The following DLGAP1 variants were observed in gnomAD, a reference collection of about 807,000 sequenced individuals.
The protein encoded by DLGAP1 is disks large-associated protein 1.
Under a neutral mutation model 90.8 loss-of-function variants are expected in DLGAP1, and 11 were observed. That is an observed-to-expected ratio of 0.12 (90% CI 0.08 to 0.20). The LOEUF is 0.20. Ranked by LOEUF, DLGAP1 falls within the 10% of genes least tolerant of loss-of-function variation. DLGAP1 has a pLI of 1.00. For synonymous variants in DLGAP1, 558 were observed against 540.7 expected (o/e 1.03, Z -0.44); for missense variants, 1,050 against 1,333.8 (o/e 0.79, Z 3.31).
chr18:3,973,122 T>G (rs2073487909), intron 3 of DLGAP1, among the ~76,000 whole-genome samples: 2 of 152,162 alleles, frequency 1.3e-5, no homozygotes, highest in Admixed American at 1.3e-4. Context: ...TGCTTGTTTT[T>G]ATTCAAGTTG....
chr18:4,241,875 A>G (rs1291619646), intron 1 of DLGAP1, among the ~76,000 whole-genome samples: 1 of 152,180 alleles, frequency 6.6e-6, no homozygotes, highest in East Asian at 1.9e-4. Flanking sequence ...TTTTCTAAAC[A>G]TTTTTAAATT....
At chr18:4,340,944 A>G (rs569726555) in intron 1 of DLGAP1, among the ~76,000 whole-genome samples, 28 of 152,186 alleles carry the variant, frequency 1.8e-4, no homozygotes, top group Non-Finnish European at 3.4e-4. Context: ...AAATTATATA[A>G]GGAAAATTCA....
chr18:3,827,940 C>G (rs2067810173), intron 4 of DLGAP1, among the ~76,000 whole-genome samples: 1 of 152,216 alleles, frequency 6.6e-6, no homozygotes, highest in Non-Finnish European at 1.5e-5. Context: ...CATTCCTTCT[C>G]AAGTACCTTC....
At chr18:3,514,732 G>A (rs1028119621) in intron 10 of DLGAP1, among the ~76,000 whole-genome samples, 2 of 152,112 alleles carry the variant, frequency 1.3e-5, no homozygotes, top group Non-Finnish European at 2.9e-5. Context: ...TCACAAAAAA[G>A]TACCTAATAC....
chr18:3,718,387 C>G (rs917093617), intron 7 of DLGAP1, among the ~76,000 whole-genome samples: 4 of 152,056 alleles, frequency 2.6e-5, no homozygotes, highest in African/African-American at 9.7e-5. Flanking sequence ...TGACTGGCCT[C>G]CCCTTTGTGA....
chr18:3,896,859 C>T (rs1203027277), intron 3 of DLGAP1: 1 of 152,324 alleles, frequency 6.6e-6, no homozygotes, highest in Non-Finnish European at 1.5e-5. Context: ...TCTGCCTTCC[C>T]CCTTCTCCCT....
intron 7 of DLGAP1, among the ~76,000 whole-genome samples, chr18:3,700,861 G>A (rs1300283926): frequency 1.3e-5 from 2 of 151,142 alleles, no homozygotes; most frequent in African/African-American, 2.4e-5. Flanking sequence ...CGCCCACCTC[G>A]GCCTCCCAAA....
At chr18:3,815,546 C>CT (rs913857660) in intron 4 of DLGAP1, among the ~76,000 whole-genome samples, 5 of 152,174 alleles carry the variant, frequency 3.3e-5, no homozygotes, top group Admixed American at 2.0e-4. Context: ...GGATCCTACT[C>CT]TAAGTCCCTA....
At chr18:3,886,954 A>G (rs138345104) in intron 3 of DLGAP1, among the ~76,000 whole-genome samples, 3 of 152,342 alleles carry the variant, frequency 2.0e-5, no homozygotes, top group Non-Finnish European at 4.4e-5. Flanking sequence ...TGGAAGTTAC[A>G]GTTTGAGGAT....
chr18:3,654,393 C>T (rs2059413152), intron 7 of DLGAP1, among the ~76,000 whole-genome samples: 1 of 152,192 alleles, frequency 6.6e-6, no homozygotes, highest in African/African-American at 2.4e-5. Context: ...TCTAGCAAAA[C>T]AATAGTTTTA....
intron 3 of DLGAP1, among the ~76,000 whole-genome samples, chr18:3,948,279 G>A (rs2072915364): frequency 6.6e-6 from 1 of 151,562 alleles, no homozygotes; most frequent in Admixed American, 6.6e-5. Context: ...TTCTCTTGCT[G>A]TGAATGATGC....
intron 3 of DLGAP1, among the ~76,000 whole-genome samples, chr18:3,954,109 A>ATTTTTAT (rs2073039833): frequency 2.6e-5 from 4 of 152,238 alleles, no homozygotes; most frequent in Non-Finnish European, 4.4e-5. Flanking sequence ...AGTTATAGAC[A>ATTTTTAT]ATTGTTTATC....
intron 1 of DLGAP1, among the ~76,000 whole-genome samples, chr18:4,190,104 A>G (rs549247174): frequency 4.6e-5 from 7 of 152,242 alleles, no homozygotes; most frequent in Admixed American, 3.3e-4. Context: ...GAAAGCTACA[A>G]GCAACCAAGA....
At chr18:4,219,749 T>C (rs1337818564) in intron 1 of DLGAP1, among the ~76,000 whole-genome samples, 7 of 152,020 alleles carry the variant, frequency 4.6e-5, no homozygotes. Flanking sequence ...CCCTTCTCTA[T>C]TGTGAGTTTT....
At chr18:4,429,291 A>G (rs909483617) in intron 1 of DLGAP1, among the ~76,000 whole-genome samples, 31 of 152,326 alleles carry the variant, frequency 2.0e-4, no homozygotes, top group African/African-American at 6.7e-4. Flanking sequence ...ATAAACATAA[A>G]GGTATTATTG....
chr18:4,029,066 G>A (rs770205059), intron 2 of DLGAP1, among the ~76,000 whole-genome samples: 13 of 151,984 alleles, frequency 8.6e-5, no homozygotes, highest in Non-Finnish European at 1.6e-4. Context: ...GCTTCTAAGA[G>A]TTTGACTTTT....
chr18:3,641,432 G>A (rs1321594008), intron 7 of DLGAP1, among the ~76,000 whole-genome samples: 2 of 150,456 alleles, frequency 1.3e-5, no homozygotes, highest in African/African-American at 4.9e-5. Context: ...AGCTACTCGG[G>A]AGGCTGAGGC....
chr18:3,853,888 C>T (rs940461003), intron 4 of DLGAP1, among the ~76,000 whole-genome samples: 11 of 152,182 alleles, frequency 7.2e-5, no homozygotes, highest in East Asian at 5.8e-4. Context: ...TATATATCCA[C>T]GGCCCTTTTT....
At position 4,276,360 on chromosome 18, in the gene DLGAP1, G is replaced by A. The variant is rs529687919; in HGVS notation, c.-266-125073C>T. 3.9e-5 allele frequency among the ~76,000 whole-genome samples: 6 copies of A among 152,184 alleles called. No homozygotes were observed. In the East Asian group the frequency reaches 1.2e-3, roughly 29 times the overall value. On this transcript the variant is annotated intron_variant, in intron 1 of 12. Transcript: ENST00000315677. ...GTTAAAATAAGTTAAACAAGGCTGG[G>A]CACGTTGGCTTATCCCTGTAACCCC... is the stretch of plus-strand genomic sequence containing the variant.
Sources: allele counts gnomAD v4.1 joint callset (sites outside exome capture counted in the v4.1 genomes callset), GRCh38; gene constraint gnomAD v4.1.1; transcripts MANE v1.5; gene names NCBI Gene and HGNC (gene_info 2026-07-23, HGNC 2026-07-21).